The following CNOT10 variants were observed in gnomAD, a reference collection of about 807,000 sequenced individuals.
CNOT10 encodes CCR4-NOT transcription complex subunit 10.
CNOT10 carries 30 observed loss-of-function variants against 94.6 expected under a neutral mutation model. That is an observed-to-expected ratio of 0.32 (90% confidence interval 0.24 to 0.43). The LOEUF is 0.43. Among genes scored for constraint, CNOT10 ranks in the 20% least tolerant of loss-of-function variants. The probability of loss-of-function intolerance (pLI) is 1.00; values close to 1 mark genes in which losing one functional copy is unlikely to be tolerated. For synonymous variants in CNOT10, 289 were observed against 301.6 expected, an observed-to-expected ratio of 0.96 and a Z score of 0.43; for missense variants, 759 against 877.2, an observed-to-expected ratio of 0.87 and a Z score of 1.70.
chr3:32,720,564 C>G (rs1321998760), intron 8 of CNOT10, among the ~76,000 whole-genome samples: 1 of 151,574 alleles, frequency 6.6e-6, no homozygotes, highest in Non-Finnish European at 1.5e-5. Context: ...ACAATCACAG[C>G]TCACTACAGC....
chr3:32,708,548 A>C, intron 3 of CNOT10, 122 bp from the exon 4 acceptor site: 1 of 761,734 alleles, frequency 1.3e-6, no homozygotes, highest in South Asian at 1.9e-5. Flanking sequence ...ATACTGTTGA[A>C]AGTATGGAAA....
At chr3:32,695,743 C>T (rs1697020311) in intron 1 of CNOT10, 8 of 1,535,634 alleles carry the variant, frequency 5.2e-6, no homozygotes, top group Middle Eastern at 1.7e-4. Flanking sequence ...TATGGGTGAA[C>T]GGTCGTATAC....
chr3:32,703,210 C>T (rs1196601340), intron 1 of CNOT10, among the ~76,000 whole-genome samples: 2 of 151,880 alleles, frequency 1.3e-5, no homozygotes, highest in African/African-American at 4.8e-5. Context: ...AGGCGTGAGC[C>T]ACCGTGCCTG....
rs759765228 is a variant in CNOT10, at chr3:32,769,881, G to A, written c.2005-6G>A. 1 of 1,613,270 alleles carries A rather than the reference G, an allele frequency of 6.2e-7. No homozygotes were observed. Among genetic ancestry groups the A allele is most frequent in the Non-Finnish European group, 8.5e-7 (1 of 1,179,322 alleles). On this transcript the variant is annotated splice_region_variant and splice_polypyrimidine_tract_variant and intron_variant, in intron 17 of 18. Transcript: ENST00000328834. ...TTTCACGGGCATCTTTCTGTTTTGA[G>A]CAAAGGCGGCTTCAATGATCCATCC... is the stretch of plus-strand genomic sequence containing the variant.
chr3:32,736,039 T>G (rs960984419), intron 12 of CNOT10, among the ~76,000 whole-genome samples: 1 of 152,046 alleles, frequency 6.6e-6, no homozygotes, highest in East Asian at 1.9e-4. Context: ...GGAATTCAGC[T>G]TTTTTCTTTC....
Position 32,764,345 on chromosome 3 carries a change from A to T in CNOT10, c.1841-110A>T. 9 of 1,203,892 alleles carry T rather than the reference A, an allele frequency of 7.5e-6. 1 individual carries two copies. Among genetic ancestry groups the T allele is most frequent in the East Asian group, 7.1e-5 (3 of 42,274 alleles). 74.6% of individuals were successfully genotyped at this position (1,203,892 alleles called of 1,614,324 possible). On this transcript the variant is annotated intron_variant, in intron 15 of 18. Coordinates refer to ENST00000328834, the MANE Select transcript of CNOT10 (RefSeq NM_015442.3). ...GAGCGAGGCTCCATCTCAAAAAAAA[A>T]AAAAAGAAAAGAAAAGAAAATATGC... is the stretch of plus-strand genomic sequence containing the variant.
intron 7 of CNOT10, among the ~76,000 whole-genome samples, chr3:32,718,391 T>C (rs889038126): frequency 6.0e-5 from 9 of 150,142 alleles, no homozygotes; most frequent in African/African-American, 2.0e-4. Context: ...GAGACCATCC[T>C]GGTTAACACA....
chr3:32,699,686 A>G (rs1697243050), intron 1 of CNOT10, among the ~76,000 whole-genome samples: 1 of 152,138 alleles, frequency 6.6e-6, no homozygotes, highest in Admixed American at 6.5e-5. Flanking sequence ...ACTATGACAG[A>G]TGCAACTCTA....
At chr3:32,720,938 TCTTCCCTTC>T (rs1172615144) in intron 8 of CNOT10, among the ~76,000 whole-genome samples, 3 of 135,342 alleles carry the variant, frequency 2.2e-5, no homozygotes, top group East Asian at 2.3e-4. Flanking sequence ...TTCCTTCCCT[TCTTCCCTTC>T]CTTCCCTTCC....
intron 13 of CNOT10, among the ~76,000 whole-genome samples, chr3:32,746,117 C>A (rs1401995209): frequency 6.6e-6 from 1 of 152,132 alleles, no homozygotes; most frequent in Non-Finnish European, 1.5e-5. Context: ...ATATGACAAA[C>A]AAAACTTTAT....
intron 1 of CNOT10, among the ~76,000 whole-genome samples, chr3:32,687,090 C>T (rs1696631684): frequency 6.6e-6 from 1 of 152,016 alleles, no homozygotes; most frequent in African/African-American, 2.4e-5. Context: ...AAGGAAACTT[C>T]CTGCTTTGAT....
intron 1 of CNOT10, chr3:32,695,966 AGAGTGTGTGTGTGTGTGTGTGTGT>A (rs1697040239): frequency 3.2e-6 from 2 of 616,762 alleles, no homozygotes; most frequent in African/African-American, 2.3e-5. Context: ...CCTGTTGAAG[AGAGTGTGTGTGTGTGTGTGTGTGT>A]GTGTGTGTGT....
In CNOT10 at chr3:32,767,543, T is replaced by C. The variant is rs541181297; in HGVS notation, c.2005-2344T>C. On this transcript the variant is annotated intron_variant, in intron 17 of 18. Transcript: ENST00000328834. The stretch of plus-strand genomic sequence containing the variant: ...TCAAAAAAAAAAAAAAAAAAGCCTA[T>C]GTGGCTTTCACATAGGTTCCTGCTT... Among the ~76,000 whole-genome samples the C allele has an allele frequency of 3.1e-4, 44 of 143,204 alleles. No homozygotes were observed. The East Asian group carries it at 6.2e-3, about 20-fold the overall frequency. The allele number at this position is 143,204 out of a possible 152,430, so 93.9% of individuals were successfully genotyped here. A position where few individuals can be genotyped will look rare whatever the true frequency, so the allele number is the denominator to read the frequency against.
In CNOT10 at chr3:32,773,651, A is replaced by C; in HGVS notation, c.*40A>C. Reference sequence around the variant, plus strand: ...AAAACTGTTACCTGAGACCCAGGGGAGAATTTACTGGCCATTTTAGTTGTA... The same window carrying C: ...AAAACTGTTACCTGAGACCCAGGGGCGAATTTACTGGCCATTTTAGTTGTA... On this transcript the variant is annotated 3_prime_UTR_variant, in exon 19 of 19. Transcript: ENST00000328834. The C allele has an allele frequency of 6.4e-7, 1 of 1,565,000 alleles. No individual in the cohort carries two copies. Among genetic ancestry groups the C allele is most frequent in the Non-Finnish European group, 8.7e-7 (1 of 1,152,870 alleles).
rs1701006047 is a variant in CNOT10 at position 32,773,662 on chromosome 3, G to C, written c.*51G>C. 1 of 1,540,518 alleles carries C rather than the reference G, an allele frequency of 6.5e-7. No homozygotes were observed. Among genetic ancestry groups the C allele is most frequent in the South Asian group, 1.2e-5 (1 of 81,918 alleles). ...CTGAGACCCAGGGGAGAATTTACTG[G>C]CCATTTTAGTTGTATCACAGCAGAA... On this transcript the variant is annotated 3_prime_UTR_variant, in exon 19 of 19. Transcript: ENST00000328834.
intron 10 of CNOT10, among the ~76,000 whole-genome samples, chr3:32,733,035 G>A (rs1003518223): frequency 3.3e-5 from 5 of 151,942 alleles, no homozygotes; most frequent in African/African-American, 4.8e-5. Flanking sequence ...GAAGTGGAGC[G>A]ACTTCCTTTT....
intron 18 of CNOT10, among the ~76,000 whole-genome samples, 165 bp downstream of exon 18, chr3:32,770,127 C>A (rs960321989): frequency 1.3e-5 from 2 of 151,790 alleles, no homozygotes; most frequent in Non-Finnish European, 2.9e-5. Flanking sequence ...CCACCTCAGC[C>A]TTCCAGGTAG....
At chr3:32,729,409 A>C (rs1365422742) in intron 10 of CNOT10, among the ~76,000 whole-genome samples, 1 of 152,108 alleles carries the variant, frequency 6.6e-6, no homozygotes, top group African/African-American at 2.4e-5. Context: ...TTGCTACCCC[A>C]TGCCCTGCCC....
At chr3:32,760,582 C>T (rs1302522770) in intron 14 of CNOT10, among the ~76,000 whole-genome samples, 2 of 151,634 alleles carry the variant, frequency 1.3e-5, no homozygotes, top group Non-Finnish European at 2.9e-5. Context: ...CGGTGAGCCA[C>T]GGTTGCACCA....
Sources: allele counts gnomAD v4.1 joint callset (sites outside exome capture counted in the v4.1 genomes callset), GRCh38; gene constraint gnomAD v4.1.1; transcripts MANE v1.5; gene names NCBI Gene and HGNC (gene_info 2026-07-23, HGNC 2026-07-21).